Variants in ZNF653 observed in about 807,000 individuals in gnomAD.
The protein encoded by ZNF653 is zinc finger protein 653, also known as 67 kDa zinc finger protein.
Under a neutral mutation model 59.9 loss-of-function variants are expected in ZNF653, and 37 were observed. The ratio of observed to expected loss-of-function variants is 0.62; its 90% CI spans 0.48 to 0.81. The LOEUF (loss-of-function observed/expected upper bound fraction) is 0.81. ZNF653 is among the 40% of genes least tolerant of loss of function. The probability of loss-of-function intolerance (pLI) is 0.00; values close to 1 mark genes in which losing one functional copy is unlikely to be tolerated. For synonymous variants in ZNF653, 435 were observed against 371.8 expected (o/e 1.17, Z -1.96); for missense variants, 808 against 881.1 (o/e 0.92, Z 1.05).
chr19:11,500,216 T>C lies in ZNF653; in HGVS notation c.300-1877A>G, dbSNP rs567822800. Among the ~76,000 whole-genome samples the C allele has an allele frequency of 2.0e-5, 3 of 152,264 alleles. No homozygotes were observed. In the East Asian group the frequency reaches 5.8e-4, roughly 29 times the overall value. On this transcript the variant is annotated intron_variant, in intron 1 of 8. Coordinates refer to ENST00000293771, the MANE Select transcript of ZNF653 (RefSeq NM_138783.4). ...AGGACTGCACCTTGGGGATCTTCCATCTTTCCTGCCCCAGGCTCTGCCCCT... is the reference window on the plus strand; with the variant it reads ...AGGACTGCACCTTGGGGATCTTCCACCTTTCCTGCCCCAGGCTCTGCCCCT...
At position 11,495,032 on chromosome 19, in the gene ZNF653, CG is replaced by C. The variant is rs1334590281; in HGVS notation, c.559+917del. Reference sequence around the variant, plus strand: ...ACGGTCGTTGGCGGGGGCGCCCACCCGGAACACCTCTCGCCCCCGGCTTCCC... The same window carrying C: ...ACGGTCGTTGGCGGGGGCGCCCACCCGAACACCTCTCGCCCCCGGCTTCCC... On this transcript the variant is annotated intron_variant, in intron 3 of 8. Transcript: ENST00000293771. The surrounding 1 kb of genome is among the most constrained non-coding windows in gnomAD (Gnocchi z 4.9). Among the ~76,000 whole-genome samples, 4 of 152,270 alleles carry C rather than the reference CG, an allele frequency of 2.6e-5. No individual in the cohort carries two copies. Among genetic ancestry groups the C allele is most frequent in the Admixed American group, 2.6e-4 (4 of 15,290 alleles).
In ZNF653 at chr19:11,495,321, G is replaced by A. The variant is rs1225156396; in HGVS notation, c.559+629C>T. On this transcript the variant is annotated intron_variant, in intron 3 of 8. Coordinates refer to ENST00000293771, the MANE Select transcript of ZNF653 (RefSeq NM_138783.4). This position sits in a 1 kb window ranked among gnomAD's most constrained non-coding sequence, Gnocchi z 4.9. ...AAGGTGGGGAGGGAGGAGGAGAAAG[G>A]GGAATAGAAGGAAACAAGAGAAAGA... Among the ~76,000 whole-genome samples the A allele has an allele frequency of 6.6e-6, 1 of 152,118 alleles. No individual in the cohort carries two copies. Among genetic ancestry groups the A allele is most frequent in the African/African-American group, 2.4e-5 (1 of 41,420 alleles).
chr19:11,490,915 A>G (rs1350052741), intron 3 of ZNF653, among the ~76,000 whole-genome samples: 1 of 152,218 alleles, frequency 6.6e-6, no homozygotes, highest in Non-Finnish European at 1.5e-5. Context: ...AAGGCAGCTC[A>G]GTCTCTCCAG....
chr19:11,501,984 G>A lies in ZNF653; in HGVS notation c.299+3504C>T, dbSNP rs144866108. Among the ~76,000 whole-genome samples, 12 of 151,426 alleles carry A rather than the reference G, an allele frequency of 7.9e-5. No individual in the cohort carries two copies. In the East Asian group the frequency reaches 9.7e-4, roughly 12 times the overall value. On this transcript the variant is annotated intron_variant, in intron 1 of 8. Transcript: ENST00000293771. ...TAATTTTTGTATTTTTAGTAGAGAC[G>A]GGGTTTCAATATGCTGGCCAGGCTG... is the stretch of plus-strand genomic sequence containing the variant.
At chr19:11,493,314 T>C (rs1336919579) in intron 3 of ZNF653, among the ~76,000 whole-genome samples, 1 of 152,148 alleles carries the variant, frequency 6.6e-6, no homozygotes, top group Non-Finnish European at 1.5e-5. Flanking sequence ...TGCCTCGGCC[T>C]CCCAAAGTGC....
intron 3 of ZNF653, among the ~76,000 whole-genome samples, chr19:11,489,389 G>A (rs1371067429): frequency 2.0e-5 from 3 of 152,062 alleles, no homozygotes; most frequent in African/African-American, 2.4e-5. Flanking sequence ...TAGTAGAGAC[G>A]GGATTCCCCA....
chr19:11,486,043 C>G (rs796599651), intron 6 of ZNF653, among the ~76,000 whole-genome samples: 1 of 152,110 alleles, frequency 6.6e-6, no homozygotes, highest in African/African-American at 2.4e-5. Context: ...TCCACCCCCC[C>G]GGGTTCACAC....
rs931280286 is a variant in ZNF653 at position 11,504,328 on chromosome 19, G to A, written c.299+1160C>T. 4.9e-5 allele frequency: 8 copies of A among 162,472 alleles called. 1 individual carries two copies. Among genetic ancestry groups the A allele is most frequent in the Non-Finnish European group, 7.8e-5 (6 of 77,324 alleles). 10.1% of individuals were successfully genotyped at this position (162,472 alleles called of 1,614,324 possible). On this transcript the variant is annotated intron_variant, in intron 1 of 8. Transcript: ENST00000293771. The stretch of plus-strand genomic sequence containing the variant: ...AGGCAGGAGAATGGCGTGAACCCGG[G>A]AGGCGGAGCTTGCAGTGAACGGAGA...
In ZNF653 at chr19:11,498,288, C is replaced by A. The variant is rs1971609144; in HGVS notation, c.343+8G>T. On this transcript the variant is annotated splice_region_variant and intron_variant, in intron 2 of 8. Coordinates refer to ENST00000293771, the MANE Select transcript of ZNF653 (RefSeq NM_138783.4). ...TCCCCACCTCCCCCAGGCTGAGCCT[C>A]CACTTACTTTTCTTCCGCTTTGGCT... 6.2e-7 allele frequency: 1 copy of A among 1,613,944 alleles called. No homozygotes were observed. The highest frequency in any genetic ancestry group is 8.5e-7 in the Non-Finnish European group (1 of 1,179,930).
At chr19:11,485,332 G>T (rs985085329) in intron 7 of ZNF653, among the ~76,000 whole-genome samples, 1 of 152,044 alleles carries the variant, frequency 6.6e-6, no homozygotes, top group Non-Finnish European at 1.5e-5. Flanking sequence ...GCTGCTATAG[G>T]TTCCAATCTG....
Position 11,487,106 on chromosome 19 carries a change from G to A in ZNF653, c.1224C>T (p.Ala408=), listed in dbSNP as rs778752559. The A allele has an allele frequency of 3.7e-6, 6 of 1,613,574 alleles. No homozygotes were observed. In the Admixed American group the frequency reaches 6.7e-5, roughly 18 times the overall value. Residue 408 remains alanine, a synonymous_variant, in exon 5 of 9, where the codon GCC becomes GCT. Coordinates refer to ENST00000293771, the MANE Select transcript of ZNF653 (RefSeq NM_138783.4). This position sits in a 1 kb window ranked among gnomAD's most constrained non-coding sequence, Gnocchi z 5.1. ...LKKEEKEEPV[A]PELATTVPES... ...CAGGCACCGTTGTTGCCAGCTCCGG[G>A]GCTACTGGCTCCTCCTTCTCCTCCT...
chr19:11,490,670 G>A (rs542352960), intron 3 of ZNF653, among the ~76,000 whole-genome samples: 173 of 152,152 alleles, frequency 1.1e-3, no homozygotes, highest in Non-Finnish European at 1.9e-3. Context: ...TGGGATTACA[G>A]GTGTGAGCCA....
In ZNF653 at chr19:11,487,157, C is replaced by T; in HGVS notation, c.1173G>A (p.Glu391=). 1.2e-6 allele frequency: 2 copies of T among 1,610,836 alleles called. No individual in the cohort carries two copies. The highest frequency in any genetic ancestry group is 1.7e-6 in the Non-Finnish European group (2 of 1,179,848). ...TAVAGIETKK[E]KEDLCLLKKE... Reference sequence around the variant, plus strand: ...TCTTTAGCAAGCACAGGTCCTCCTTCTCTACAGGGTGGACACAGGGTGGTG... The same window carrying T: ...TCTTTAGCAAGCACAGGTCCTCCTTTTCTACAGGGTGGACACAGGGTGGTG... The change falls in exon 5 of 9, where the codon GAG becomes GAA. Residue 391 remains glutamate (E), a splice_region_variant and synonymous_variant. Transcript: ENST00000293771. The surrounding 1 kb of genome is among the most constrained non-coding windows in gnomAD (Gnocchi z 5.1).
intron 1 of ZNF653, among the ~76,000 whole-genome samples, chr19:11,503,955 A>C (rs1355198204): frequency 1.3e-5 from 2 of 152,128 alleles, no homozygotes; most frequent in African/African-American, 2.4e-5. Flanking sequence ...AAATACAAAA[A>C]TTAGCCAGGT....
chr19:11,503,435 C>T (rs1384534274), intron 1 of ZNF653, among the ~76,000 whole-genome samples: 1 of 152,178 alleles, frequency 6.6e-6, no homozygotes, highest in Non-Finnish European at 1.5e-5. Context: ...AACTCACACT[C>T]TTCATTTCAC....
intron 3 of ZNF653, among the ~76,000 whole-genome samples, chr19:11,490,475 C>T (rs1971519105): frequency 1.3e-5 from 2 of 152,154 alleles, no homozygotes; most frequent in Non-Finnish European, 2.9e-5. Flanking sequence ...CAACCTCCGC[C>T]TCCCAGGTTT....
In ZNF653 at chr19:11,495,442, T is replaced by C. The variant is rs887934386; in HGVS notation, c.559+508A>G. On this transcript the variant is annotated intron_variant, in intron 3 of 8. Coordinates refer to ENST00000293771, the MANE Select transcript of ZNF653 (RefSeq NM_138783.4). This position sits in a 1 kb window ranked among gnomAD's most constrained non-coding sequence, Gnocchi z 4.9. Reference sequence around the variant, plus strand: ...AATGGGGAACAGGAGGGAAACAGAATGGAGGGGGAAGGCAAGAAACGAAGC... The same window carrying C: ...AATGGGGAACAGGAGGGAAACAGAACGGAGGGGGAAGGCAAGAAACGAAGC... 5.3e-5 allele frequency: 9 copies of C among 169,220 alleles called. No individual in the cohort carries two copies. Among genetic ancestry groups the C allele is most frequent in the South Asian group, 1.3e-4 (1 of 7,440 alleles). The allele number at this position is 169,220 out of a possible 1,614,324, so 10.5% of individuals were successfully genotyped here. A position where few individuals can be genotyped will look rare whatever the true frequency, so the allele number is the denominator to read the frequency against.
chr19:11,505,736 G>T lies in ZNF653; in HGVS notation c.51C>A (p.Gly17=). 4.9e-6 allele frequency: 7 copies of T among 1,427,884 alleles called. No homozygotes were observed. In the Admixed American group the frequency reaches 2.1e-4, roughly 44 times the overall value. The allele number at this position is 1,427,884 out of a possible 1,614,324, so 88.5% of individuals were successfully genotyped here. The change falls in exon 1 of 9, where the codon GGC becomes GGA. Residue 17 remains glycine (G), a synonymous_variant. Coordinates refer to ENST00000293771, the MANE Select transcript of ZNF653 (RefSeq NM_138783.4). ...CCTCGGCTGCTGCCTCCCCGCCCGC[G>T]CCCGCCTCAGCCTCCGCCTCCGCCT... ...EPEAEAEAEA[G]AGGEAAAEEG...
intron 8 of ZNF653, 89 bp from the exon 9 acceptor site, chr19:11,483,948 C>T: frequency 1.3e-6 from 2 of 1,521,728 alleles, no homozygotes. Flanking sequence ...TGGAACCGGG[C>T]CCAGACACTG....
Sources: gnomAD v4.1 joint callset for allele counts (sites outside exome capture counted in the v4.1 genomes callset) on GRCh38, gnomAD v4.1.1 for gene constraint, Gnocchi (gnomAD v3.1) non-coding constraint, MANE v1.5 for transcripts, NCBI Gene and HGNC (gene_info 2026-07-23, HGNC 2026-07-21) for gene names.